The following INSYN2B variants were observed in gnomAD, a reference collection of about 807,000 sequenced individuals.
INSYN2B encodes the protein inhibitory synaptic factor family member 2B.
INSYN2B carries 16 observed loss-of-function variants against 41.2 expected under a neutral mutation model. The observed-to-expected ratio is 0.39, with a 90% CI of 0.26 to 0.59. The LOEUF (loss-of-function observed/expected upper bound fraction) is 0.59, where lower values mean the gene tolerates loss of function less well. Among genes scored for constraint, INSYN2B ranks in the 20% least tolerant of loss-of-function variants. INSYN2B has a pLI of 0.57. For missense variants in INSYN2B, 608 were observed against 646.4 expected (o/e 0.94, Z 0.64); for synonymous variants, 245 against 244.4 (o/e 1.00, Z -0.02).
At chr5:169,874,442 G>C (rs955939385) in intron 3 of INSYN2B, among the ~76,000 whole-genome samples, 3 of 151,170 alleles carry the variant, frequency 2.0e-5, no homozygotes, top group African/African-American at 4.9e-5. Context: ...AGCAATTGGT[G>C]GTCTGTGGAG....
intron 1 of INSYN2B, among the ~76,000 whole-genome samples, chr5:169,922,749 G>A (rs1180080538): frequency 6.6e-6 from 1 of 152,142 alleles, no homozygotes; most frequent in Non-Finnish European, 1.5e-5. Context: ...AAATTGTGCT[G>A]TCTCATTCCA....
At chr5:169,902,650 G>C (rs1773993902) in intron 1 of INSYN2B, among the ~76,000 whole-genome samples, 1 of 152,222 alleles carries the variant, frequency 6.6e-6, no homozygotes, top group African/African-American at 2.4e-5. Flanking sequence ...ATGATGCTGA[G>C]TGTTCCACAG....
intron 1 of INSYN2B, among the ~76,000 whole-genome samples, chr5:169,931,438 A>C (rs1458260692): frequency 2.6e-5 from 4 of 152,272 alleles, no homozygotes; most frequent in Non-Finnish European, 5.9e-5. Context: ...ACTTCTTTGA[A>C]GAAACTCTTT....
In INSYN2B at chr5:169,917,835, T is replaced by A. The variant is rs991081860; in HGVS notation, c.-918-33019A>T. ...ATAAGACTGGTAATTAAGGAGGAGT[T>A]ATTGTGCTAAAGCTGGTCTTCCCTT... is the stretch of plus-strand genomic sequence containing the variant. On this transcript the variant is annotated intron_variant, in intron 1 of 3. Transcript: ENST00000377365. Among the ~76,000 whole-genome samples the A allele has an allele frequency of 1.8e-4, 28 of 152,246 alleles. No individual in the cohort carries two copies. In the Middle Eastern group the frequency reaches 0.01, roughly 55 times the overall value.
intron 1 of INSYN2B, among the ~76,000 whole-genome samples, chr5:169,944,821 A>C (rs1438349529): frequency 3.3e-5 from 5 of 152,212 alleles, no homozygotes; most frequent in Admixed American, 2.0e-4. Flanking sequence ...GTTTCTGACC[A>C]TGGGAACAGC....
At chr5:169,947,789 G>A (rs182123174) in intron 1 of INSYN2B, among the ~76,000 whole-genome samples, 1 of 152,284 alleles carries the variant, frequency 6.6e-6, no homozygotes, top group African/African-American at 2.4e-5. Flanking sequence ...ATCCTTCACT[G>A]TCATGGTGCC....
intron 1 of INSYN2B, among the ~76,000 whole-genome samples, chr5:169,940,385 T>C (rs561612249): frequency 1.3e-5 from 2 of 152,324 alleles, no homozygotes; most frequent in Admixed American, 1.3e-4. Context: ...TCTCCAACCT[T>C]TTTGGCACCA....
intron 3 of INSYN2B, among the ~76,000 whole-genome samples, chr5:169,877,338 A>G (rs1772390543): frequency 6.6e-6 from 1 of 152,212 alleles, no homozygotes; most frequent in Non-Finnish European, 1.5e-5. Flanking sequence ...GATAAGGGAA[A>G]AGAGACCTGT....
chr5:169,946,519 A>C (rs1776455524), intron 1 of INSYN2B, among the ~76,000 whole-genome samples: 2 of 152,216 alleles, frequency 1.3e-5, no homozygotes, highest in South Asian at 4.1e-4. Context: ...GAATTCCAGC[A>C]AAACACTGCA....
chr5:169,872,989 A>G (rs1772085346), intron 3 of INSYN2B, among the ~76,000 whole-genome samples: 1 of 152,174 alleles, frequency 6.6e-6, no homozygotes, highest in African/African-American at 2.4e-5. Flanking sequence ...TATTACACTA[A>G]CTTGATGGAG....
chr5:169,865,960 C>G (rs987199556), intron 3 of INSYN2B, among the ~76,000 whole-genome samples: 1 of 152,198 alleles, frequency 6.6e-6, no homozygotes, highest in African/African-American at 2.4e-5. Context: ...CCATGCATGA[C>G]GAATGGAGCC....
intron 1 of INSYN2B, among the ~76,000 whole-genome samples, chr5:169,902,875 G>A (rs1486895566): frequency 6.6e-5 from 10 of 152,096 alleles, no homozygotes; most frequent in African/African-American, 9.7e-5. Context: ...CGAGGCAGGC[G>A]GATCACAAGG....
chr5:169,882,770 T>C lies in INSYN2B; in HGVS notation c.1129A>G (p.Asn377Asp). 6.4e-7 allele frequency: 1 copy of C among 1,551,726 alleles called. No individual in the cohort carries two copies. Among genetic ancestry groups the C allele is most frequent in the East Asian group, 2.4e-5 (1 of 40,906 alleles). ...CTTGAAAGAGAGGATGGGAGATGAT[T>C]ACTTCCTGGACAATTTGGAAACTCC... The part of the protein sequence containing the change: ...TLEFPNCPGS[N>D]HLPSSLSRSE... Residue 377 changes from asparagine (N) to aspartate (D), a missense_variant, in exon 2 of 4, where the codon AAT (asparagine) becomes GAT (aspartate). Physicochemically the swap from Asn to Asp is conservative, Grantham distance 23. Transcript: ENST00000377365.
At chr5:169,954,478 C>T (rs1226254525) in intron 1 of INSYN2B, among the ~76,000 whole-genome samples, 1 of 152,196 alleles carries the variant, frequency 6.6e-6, no homozygotes, top group African/African-American at 2.4e-5. Flanking sequence ...TAGATGAAGG[C>T]AGTCAGGCAG....
intron 1 of INSYN2B, among the ~76,000 whole-genome samples, chr5:169,932,532 C>T (rs1775805316): frequency 6.6e-6 from 1 of 152,146 alleles, no homozygotes; most frequent in South Asian, 2.1e-4. Flanking sequence ...AATCTGCATG[C>T]CTCACTGATG....
Position 169,882,780 on chromosome 5 carries a change from A to G in INSYN2B, c.1119T>C (p.Cys373=). Reference sequence around the variant, plus strand: ...AGGATGGGAGATGATTACTTCCTGGACAATTTGGAAACTCCAGTGTGTCTG... The same window carrying G: ...AGGATGGGAGATGATTACTTCCTGGGCAATTTGGAAACTCCAGTGTGTCTG... The part of the protein sequence containing the change: ...TESDTLEFPN[C]PGSNHLPSSL... The change falls in exon 2 of 4, where the codon TGT becomes TGC. Residue 373 remains cysteine (C), a synonymous_variant. Transcript: ENST00000377365. 6.4e-7 allele frequency: 1 copy of G among 1,551,474 alleles called. No homozygotes were observed. The highest frequency in any genetic ancestry group is 1.2e-5 in the South Asian group (1 of 84,006).
At chr5:169,968,863 GA>G (rs1272053005) in intron 1 of INSYN2B, among the ~76,000 whole-genome samples, 1 of 152,174 alleles carries the variant, frequency 6.6e-6, no homozygotes, top group Non-Finnish European at 1.5e-5. Context: ...CCCGGGAGAA[GA>G]AATGGCACTT....
At chr5:169,972,578 TAGATAGATGATAGATAGATA>T (rs1352672228) in intron 1 of INSYN2B, among the ~76,000 whole-genome samples, 1,593 of 61,000 alleles carry the variant, frequency 0.026, 34 homozygotes, top group African/African-American at 0.09. Flanking sequence ...GATAGATAGA[TAGATAGATGATAGATAGATA>T]GATAGATAGA....
intron 3 of INSYN2B, among the ~76,000 whole-genome samples, chr5:169,869,934 G>A (rs1387481528): frequency 6.6e-6 from 1 of 152,206 alleles, no homozygotes; most frequent in African/African-American, 2.4e-5. Context: ...AAGGAAGATA[G>A]GTGCAGAGTG....
Sources: gnomAD v4.1 joint callset for allele counts (sites outside exome capture counted in the v4.1 genomes callset) on GRCh38, gnomAD v4.1.1 for gene constraint, MANE v1.5 for transcripts, NCBI Gene and HGNC (gene_info 2026-07-23, HGNC 2026-07-21) for gene names.